TSEN54: variants seen among roughly 807,000 people sequenced by gnomAD.
The protein encoded by TSEN54 is tRNA-splicing endonuclease subunit Sen54.
In TSEN54, 55 loss-of-function variants were observed where a neutral mutation model predicts 61.9. The observed-to-expected ratio is 0.89, with a 90% CI of 0.72 to 1.11. TSEN54 has a LOEUF of 1.11. TSEN54 is among the 50% of genes most tolerant of loss of function. TSEN54 has a pLI of 0.00. For synonymous variants in TSEN54, 304 were observed against 288.7 expected, an observed-to-expected ratio of 1.05 and a Z score of -0.54; for missense variants, 760 against 687.7, an observed-to-expected ratio of 1.11 and a Z score of -1.18.
At chr17:75,523,177 T>C in intron 8 of TSEN54, 98 bp from the exon 9 acceptor site, 1 of 1,350,688 alleles carries the variant, frequency 7.4e-7, no homozygotes, top group South Asian at 1.2e-5. Context: ...AGACTCCGTT[T>C]AAAAAAAAAA....
chr17:75,518,974 A>ATTTT, intron 5 of TSEN54, 21 bp from the exon 6 acceptor site: 5 of 1,261,018 alleles, frequency 4.0e-6, no homozygotes, highest in African/African-American at 1.5e-5. Flanking sequence ...CTGAGCTTTC[A>ATTTT]TTTTTTTTTT....
intron 4 of TSEN54, 37 bp from the exon 5 acceptor site, chr17:75,517,520 G>A (rs1375715018): frequency 6.4e-7 from 1 of 1,567,154 alleles, no homozygotes; most frequent in Non-Finnish European, 8.8e-7. Context: ...GCACTGTAGT[G>A]AGGGCTCATA....
In TSEN54 at chr17:75,516,785, G is replaced by A; in HGVS notation, c.96G>A (p.Lys32=). 6.3e-7 allele frequency: 1 copy of A among 1,583,420 alleles called. No homozygotes were observed. The highest frequency in any genetic ancestry group is 8.5e-7 in the Non-Finnish European group (1 of 1,172,680). ...TCGCCGCCCGCTCGCGGTCGCAGAAGCTGCCCCAGCGCTCGCATGGCCCCA... is the reference window on the plus strand; with the variant it reads ...TCGCCGCCCGCTCGCGGTCGCAGAAACTGCCCCAGCGCTCGCATGGCCCCA... The part of the protein sequence containing the change: ...ELFAARSRSQ[K]LPQRSHGPKD... The change falls in exon 2 of 11, where the codon AAG becomes AAA. Residue 32 remains lysine, a synonymous_variant. Transcript: ENST00000333213.
intron 6 of TSEN54, 75 bp downstream of exon 6, chr17:75,519,122 G>T: frequency 6.5e-7 from 1 of 1,548,504 alleles, no homozygotes; most frequent in East Asian, 2.2e-5. Context: ...GTAGAAAATG[G>T]CCTCTCCTTA....
chr17:75,523,215 G>A, intron 8 of TSEN54, 60 bp from the exon 9 acceptor site: 1 of 1,612,258 alleles, frequency 6.2e-7, no homozygotes, highest in African/African-American at 1.3e-5. Flanking sequence ...TCCTAAACTA[G>A]ATGGCAGACT....
intron 8 of TSEN54, chr17:75,522,749 T>A: frequency 3.3e-6 from 1 of 305,138 alleles, no homozygotes; most frequent in Admixed American, 4.8e-5. Context: ...TCCAAATTAC[T>A]TAAAGCCTTT....
intron 6 of TSEN54, among the ~76,000 whole-genome samples, chr17:75,520,827 G>A (rs913695845): frequency 5.9e-5 from 9 of 151,856 alleles, no homozygotes; most frequent in Admixed American, 1.3e-4. Flanking sequence ...GGTGGCACGC[G>A]CCTGTAGTCC....
intron 5 of TSEN54, 80 bp downstream of exon 5, chr17:75,517,735 GCA>G: frequency 8.0e-7 from 1 of 1,252,932 alleles, no homozygotes; most frequent in Non-Finnish European, 1.2e-6. Context: ...AAGGTGCCAG[GCA>G]CAGTGTCACA....
chr17:75,524,257 T>C lies in TSEN54; in HGVS notation c.1431-5T>C. On this transcript the variant is annotated splice_region_variant and splice_polypyrimidine_tract_variant and intron_variant, in intron 10 of 10. Transcript: ENST00000333213. ...GGGTCTCACTCTAACCCTTTGTCCC[T>C]GCAGATTTGATGAGCCTGTCCCAGA... 6 of 1,614,182 alleles carry C rather than the reference T, an allele frequency of 3.7e-6. No individual in the cohort carries two copies. Among genetic ancestry groups the C allele is most frequent in the Non-Finnish European group, 5.1e-6 (6 of 1,180,032 alleles).
intron 8 of TSEN54, 198 bp from the exon 9 acceptor site, chr17:75,523,077 G>C: frequency 1.5e-6 from 1 of 650,572 alleles, no homozygotes; most frequent in Non-Finnish European, 2.8e-6. Flanking sequence ...TACTCAGGAG[G>C]CTGAGACAGG....
intron 6 of TSEN54, among the ~76,000 whole-genome samples, chr17:75,520,305 C>T (rs939155018): frequency 6.6e-6 from 1 of 151,774 alleles, no homozygotes; most frequent in Non-Finnish European, 1.5e-5. Context: ...TGTGGTGGCT[C>T]ACGCCTATAA....
At position 75,521,418 on chromosome 17, in the gene TSEN54, G is replaced by A; in HGVS notation, c.531G>A (p.Leu177=). 1.2e-6 allele frequency: 2 copies of A among 1,614,036 alleles called. No individual in the cohort carries two copies. Among genetic ancestry groups the A allele is most frequent in the Non-Finnish European group, 1.7e-6 (2 of 1,180,002 alleles). The part of the protein sequence containing the change: ...VVRRFQPSSV[L]SPYERQLNLD... ...TGTTCTCACCCCACAGCTCTGTCCTGTCCCCGTATGAGAGGCAGCTTAACC... is the reference window on the plus strand; with the variant it reads ...TGTTCTCACCCCACAGCTCTGTCCTATCCCCGTATGAGAGGCAGCTTAACC... Residue 177 remains leucine (L), a synonymous_variant, in exon 7 of 11, where the codon CTG becomes CTA. Coordinates refer to ENST00000333213, the MANE Select transcript of TSEN54 (RefSeq NM_207346.3).
At chr17:75,521,631 C>A in intron 7 of TSEN54, 74 bp from the exon 8 acceptor site, 1 of 1,563,534 alleles carries the variant, frequency 6.4e-7, no homozygotes, top group African/African-American at 1.4e-5. Flanking sequence ...AGGGGACCTG[C>A]CTTCAGCTCC....
At position 75,521,801 on chromosome 17, in the gene TSEN54, C is replaced by T. The variant is rs372368367; in HGVS notation, c.720C>T (p.Cys240=). 3.0e-5 allele frequency: 48 copies of T among 1,613,022 alleles called. No homozygotes were observed. Among genetic ancestry groups the T allele is most frequent in the Non-Finnish European group, 4.1e-5 (48 of 1,179,998 alleles). ...CTCCCTGCAGCCAGCCCAGCCAATG[C>T]CCAGAGGAGAAACCCCAGGAGTCAA... is the stretch of plus-strand genomic sequence containing the variant. ...SPPPCSQPSQ[C]PEEKPQESSP... The change falls in exon 8 of 11, where the codon TGC becomes TGT. Residue 240 remains cysteine (C), a synonymous_variant. Coordinates refer to ENST00000333213, the MANE Select transcript of TSEN54 (RefSeq NM_207346.3).
rs925124750 is a variant in TSEN54 at position 75,521,223 on chromosome 17, G to A, written c.522-186G>A. ...CCTCTGGGCCATTGCCTAGGCAGAG[G>A]CACATGGCTGGGCCCCCTGGCTGGG... On this transcript the variant is annotated intron_variant, in intron 6 of 10. Coordinates refer to ENST00000333213, the MANE Select transcript of TSEN54 (RefSeq NM_207346.3). The A allele has an allele frequency of 2.5e-5, 16 of 630,844 alleles. No homozygotes were observed. In the East Asian group the frequency reaches 4.5e-4, roughly 18 times the overall value. 39.1% of individuals were successfully genotyped at this position (630,844 alleles called of 1,614,324 possible). A position where few individuals can be genotyped will look rare whatever the true frequency, so the allele number is the denominator to read the frequency against.
In TSEN54 at chr17:75,523,759, T is replaced by C. The variant is rs1224036232; in HGVS notation, c.1410T>C (p.Tyr470=). The C allele has an allele frequency of 6.2e-7, 1 of 1,614,014 alleles. No homozygotes were observed. Among genetic ancestry groups the C allele is most frequent in the Non-Finnish European group, 8.5e-7 (1 of 1,179,924 alleles). The part of the protein sequence containing the change: ...TFRKNNPGKP[Y]ARMCISGFDE... ...GAAAGAATAACCCTGGCAAACCCTA[T>C]GCCCGGATGTGCATTAGTGGGTACG... is the stretch of plus-strand genomic sequence containing the variant. The change falls in exon 10 of 11, where the codon TAT becomes TAC. Residue 470 remains tyrosine, a synonymous_variant. Transcript: ENST00000333213.
intron 6 of TSEN54, among the ~76,000 whole-genome samples, chr17:75,520,170 C>G (rs2053412558): frequency 6.6e-6 from 1 of 152,176 alleles, no homozygotes; most frequent in African/African-American, 2.4e-5. Context: ...TCCAATAGAA[C>G]TTTCTGTAAT....
chr17:75,518,724 G>T, intron 5 of TSEN54: 2 of 985,410 alleles, frequency 2.0e-6, no homozygotes, highest in Non-Finnish European at 1.2e-6. Context: ...GGGCGTGGTG[G>T]TTTTCTGGTT....
chr17:75,524,239 A>G, intron 10 of TSEN54, 23 bp from the exon 11 acceptor site: 1 of 1,613,886 alleles, frequency 6.2e-7, no homozygotes, highest in Non-Finnish European at 8.5e-7. Context: ...GCTGGGTCTC[A>G]CTCTAACCCT....
Sources: gnomAD v4.1 joint callset for allele counts (sites outside exome capture counted in the v4.1 genomes callset) on GRCh38, gnomAD v4.1.1 for gene constraint, MANE v1.5 for transcripts, NCBI Gene and HGNC (gene_info 2026-07-23, HGNC 2026-07-21) for gene names.